SH2B2: variants seen among roughly 807,000 people sequenced by gnomAD.
The protein encoded by SH2B2 is SH2B adapter protein 2.
In SH2B2, 37 loss-of-function variants were observed where a neutral mutation model predicts 35.7. The ratio of observed to expected loss-of-function variants is 1.04; its 90% CI spans 0.80 to 1.36. The LOEUF (loss-of-function observed/expected upper bound fraction) is 1.36. Among genes scored for constraint, SH2B2 ranks in the 40% most tolerant of loss-of-function variants. The pLI is 0.00. For synonymous variants in SH2B2, 383 were observed against 376.4 expected, an observed-to-expected ratio of 1.02 and a Z score of -0.20; for missense variants, 852 against 817.7, an observed-to-expected ratio of 1.04 and a Z score of -0.51.
chr7:102,297,950 G>T lies in SH2B2; in HGVS notation c.-29-2572G>T, dbSNP rs1792986980. Among the ~76,000 whole-genome samples the T allele has an allele frequency of 6.6e-6, 1 of 152,200 alleles. No homozygotes were observed. The highest frequency in any genetic ancestry group is 6.5e-5 in the Admixed American group (1 of 15,286). ...TCATTCTCAAGAGTGGTCAGGGAAG[G>T]CTATCCGCCAAGCCATTGGTTGAGC... On this transcript the variant is annotated intron_variant, in intron 1 of 8. Transcript: ENST00000444095. The surrounding 1 kb of genome is among the most constrained non-coding windows in gnomAD (Gnocchi z 4.3).
At chr7:102,321,183 T>A in intron 8 of SH2B2, 116 bp from the exon 9 acceptor site, 1 of 909,406 alleles carries the variant, frequency 1.1e-6, no homozygotes, top group Non-Finnish European at 1.5e-6. Flanking sequence ...TCCGAGGACA[T>A]GGGCTGCAAC....
chr7:102,291,318 C>A (rs1266782116), intron 1 of SH2B2, among the ~76,000 whole-genome samples: 1 of 152,202 alleles, frequency 6.6e-6, no homozygotes, highest in African/African-American at 2.4e-5. Context: ...GCATGAGAGG[C>A]CTGGGGTTGT....
intron 6 of SH2B2, 142 bp from the exon 7 acceptor site, chr7:102,317,045 A>C: frequency 1.3e-6 from 1 of 746,822 alleles, no homozygotes; most frequent in Non-Finnish European, 2.1e-6. Context: ...AAAACTAAAA[A>C]CCAACCAACT....
intron 2 of SH2B2, among the ~76,000 whole-genome samples, chr7:102,303,306 C>G (rs1199964138): frequency 6.6e-6 from 1 of 152,094 alleles, no homozygotes; most frequent in East Asian, 1.9e-4. Flanking sequence ...TCCTTGGGCA[C>G]TGAGAGGTTT....
In SH2B2 at chr7:102,321,554, C is replaced by A; in HGVS notation, c.1823C>A (p.Ala608Asp). The change falls in exon 9 of 9, where the codon GCC becomes GAC. Residue 608 changes from alanine (A) to aspartate (D), a missense_variant. Ala to Asp is a moderately radical substitution (Grantham distance 126). Coordinates refer to ENST00000444095, the MANE Select transcript of SH2B2 (RefSeq NM_001359228.2). ...GAGCGCCTGCTGGAGGCCGTGGCCG[C>A]CACCGCCGCCGAGGAGCCCCCGGAG... ...SAERLLEAVA[A>D]TAAEEPPEAA... The A allele has an allele frequency of 5.2e-6, 6 of 1,148,814 alleles. No individual in the cohort carries two copies. Among genetic ancestry groups the A allele is most frequent in the Non-Finnish European group, 6.4e-6 (6 of 936,116 alleles). 71.2% of individuals were successfully genotyped at this position (1,148,814 alleles called of 1,614,324 possible). A position where few individuals can be genotyped will look rare whatever the true frequency, so the allele number is the denominator to read the frequency against.
intron 4 of SH2B2, chr7:102,309,293 G>A (rs1161089799): frequency 5.2e-6 from 2 of 388,212 alleles, no homozygotes; most frequent in Non-Finnish European, 1.0e-5. Flanking sequence ...TGGGAGGACC[G>A]CTTGAGCCAG....
chr7:102,319,269 A>G (rs1392082578), intron 7 of SH2B2, among the ~76,000 whole-genome samples: 2 of 152,210 alleles, frequency 1.3e-5, no homozygotes, highest in Admixed American at 6.5e-5. Context: ...CTGCCCAGCT[A>G]TGAGGCTGTG....
intron 6 of SH2B2, 177 bp from the exon 7 acceptor site, chr7:102,317,010 G>A (rs1793857244): frequency 3.5e-6 from 2 of 576,660 alleles, no homozygotes; most frequent in South Asian, 2.5e-5. Context: ...CGACAAGAGC[G>A]AAACTTCGTC....
rs183520608 is a variant in SH2B2 at position 102,301,298 on chromosome 7, C to A, written c.729+19C>A. ...GCCCAAAGTGAGTTACCCCATAATC[C>A]CACCTAGCCTGGGGGGACCAGAGGA... On this transcript the variant is annotated intron_variant, in intron 2 of 8. Coordinates refer to ENST00000444095, the MANE Select transcript of SH2B2 (RefSeq NM_001359228.2). 9.4e-6 allele frequency: 15 copies of A among 1,593,914 alleles called. No individual in the cohort carries two copies. In the Admixed American group the frequency reaches 1.7e-4, roughly 18 times the overall value.
chr7:102,301,299 C>T lies in SH2B2; in HGVS notation c.729+20C>T, dbSNP rs1023367717. 2 of 1,593,372 alleles carry T rather than the reference C, an allele frequency of 1.3e-6. No homozygotes were observed. The highest frequency in any genetic ancestry group is 1.7e-5 in the Admixed American group (1 of 57,834). On this transcript the variant is annotated intron_variant, in intron 2 of 8. Transcript: ENST00000444095. ...CCCAAAGTGAGTTACCCCATAATCC[C>T]ACCTAGCCTGGGGGGACCAGAGGAG...
intron 4 of SH2B2, among the ~76,000 whole-genome samples, chr7:102,313,027 G>A (rs1465319105): frequency 1.3e-5 from 2 of 151,722 alleles, no homozygotes; most frequent in African/African-American, 4.8e-5. Flanking sequence ...TACTCGGGAG[G>A]CTGAGGCAGG....
Position 102,314,661 on chromosome 7 carries a change from G to A in SH2B2, c.1165G>A (p.Gly389Ser), listed in dbSNP as rs1038245983. ...GACCCTGGAATCCCCGGGCGGCAGC[G>A]GCAGTGACAGCAATAACACAGGTGC... Reference protein sequence around the residue: ...LQTLESPGGSGSDSNNTGEQG... With the variant: ...LQTLESPGGSSSDSNNTGEQG... Residue 389 changes from glycine to serine, a missense_variant, in exon 6 of 9, where the codon GGC (glycine) becomes AGC (serine). By Grantham distance (56) the Gly-to-Ser change is moderately conservative. Around this residue, in one of 3 missense-constraint regions of SH2B2, gnomAD observed 556 missense variants for 514.5 expected, o/e 1.08. Coordinates refer to ENST00000444095, the MANE Select transcript of SH2B2 (RefSeq NM_001359228.2). 16 of 398,452 alleles carry A rather than the reference G, an allele frequency of 4.0e-5. No individual in the cohort carries two copies. The highest frequency in any genetic ancestry group is 3.8e-4 in the South Asian group (3 of 7,866). The allele number at this position is 398,452 out of a possible 1,614,324, so 24.7% of individuals were successfully genotyped here.
intron 1 of SH2B2, among the ~76,000 whole-genome samples, chr7:102,288,073 G>C (rs540145148): frequency 2.2e-4 from 33 of 152,208 alleles, no homozygotes; most frequent in Non-Finnish European, 4.0e-4. Context: ...CTAAGGGACC[G>C]GCAACTCCCG....
chr7:102,317,017 C>A (rs1392557992), intron 6 of SH2B2, 170 bp from the exon 7 acceptor site: 1 of 596,578 alleles, frequency 1.7e-6, no homozygotes, highest in Admixed American at 3.2e-5. Flanking sequence ...AGCGAAACTT[C>A]GTCTCAAAAA....
chr7:102,319,380 G>A (rs538708279), intron 7 of SH2B2, among the ~76,000 whole-genome samples: 17 of 152,224 alleles, frequency 1.1e-4, no homozygotes, highest in South Asian at 4.2e-4. Context: ...CCGCCACCCC[G>A]CTCCAGGGAT....
Position 102,300,953 on chromosome 7 carries a change from T to C in SH2B2, c.403T>C (p.Phe135Leu). Residue 135 changes from phenylalanine to leucine, a missense_variant, in exon 2 of 9, where the codon TTC (phenylalanine) becomes CTC (leucine). Coordinates refer to ENST00000444095, the MANE Select transcript of SH2B2 (RefSeq NM_001359228.2). Reference protein sequence around the residue: ...AATKARVRKGFSLRNMSLCVV... With the variant: ...AATKARVRKGLSLRNMSLCVV... The stretch of plus-strand genomic sequence containing the variant: ...CACCAAGGCCCGCGTTCGCAAGGGC[T>C]TCTCGCTGCGCAACATGAGCCTGTG... 4 of 1,488,734 alleles carry C rather than the reference T, an allele frequency of 2.7e-6. No homozygotes were observed. The highest frequency in any genetic ancestry group is 3.6e-6 in the Non-Finnish European group (4 of 1,122,770). 92.2% of individuals were successfully genotyped at this position (1,488,734 alleles called of 1,614,324 possible). A position where few individuals can be genotyped will look rare whatever the true frequency, so the allele number is the denominator to read the frequency against.
Position 102,301,275 on chromosome 7 carries a change from C to T in SH2B2, c.725C>T (p.Pro242Leu). 6.2e-7 allele frequency: 1 copy of T among 1,603,170 alleles called. No homozygotes were observed. The highest frequency in any genetic ancestry group is 8.5e-7 in the Non-Finnish European group (1 of 1,175,432). The change falls in exon 2 of 9, where the codon CCC (proline) becomes CTC (leucine). Residue 242 changes from proline to leucine, a missense_variant. By Grantham distance (98) the Pro-to-Leu change is moderately conservative. Transcript: ENST00000444095. Reference sequence around the variant, plus strand: ...TTCCGCCTGGAGTTCTTCGTGCCGCCCAAAGTGAGTTACCCCATAATCCCA... The same window carrying T: ...TTCCGCCTGGAGTTCTTCGTGCCGCTCAAAGTGAGTTACCCCATAATCCCA... ...ERFRLEFFVPPKASRPKVSIP... is the reference protein window; with the variant it reads ...ERFRLEFFVPLKASRPKVSIP...
At chr7:102,307,086 A>G (rs1793433506) in intron 3 of SH2B2, among the ~76,000 whole-genome samples, 1 of 152,228 alleles carries the variant, frequency 6.6e-6, no homozygotes, top group African/African-American at 2.4e-5. Flanking sequence ...GGCCTGGGCG[A>G]AGCTCATCAG....
At chr7:102,321,266 C>A in intron 8 of SH2B2, 33 bp from the exon 9 acceptor site, 1 of 1,344,904 alleles carries the variant, frequency 7.4e-7, no homozygotes, top group South Asian at 1.7e-5. Flanking sequence ...CAGCCCAGGT[C>A]CCCACTCACG....
Sources: allele counts gnomAD v4.1 joint callset (sites outside exome capture counted in the v4.1 genomes callset), GRCh38; gene constraint gnomAD v4.1.1; regional missense constraint gnomAD v4.1.1; non-coding constraint Gnocchi (gnomAD v3.1); transcripts MANE v1.5; gene names NCBI Gene and HGNC (gene_info 2026-07-23, HGNC 2026-07-21).